The following MYO1D variants were observed in gnomAD, a reference collection of about 807,000 sequenced individuals.
MYO1D encodes myosin ID.
Under a neutral mutation model 122.0 loss-of-function variants are expected in MYO1D, and 83 were observed. The ratio of observed to expected loss-of-function variants is 0.68; its 90% confidence interval spans 0.57 to 0.82. MYO1D has a LOEUF of 0.82. Ranked by LOEUF, MYO1D falls within the 40% of genes least tolerant of loss-of-function variation. The probability of loss-of-function intolerance (pLI) is 0.00; values close to 1 mark genes in which losing one functional copy is unlikely to be tolerated. For missense variants in MYO1D, 1,157 were observed against 1,269.5 expected, an observed-to-expected ratio of 0.91 and a Z score of 1.35; for synonymous variants, 464 against 446.9, an observed-to-expected ratio of 1.04 and a Z score of -0.48.
At chr17:32,742,217 G>A (rs966470938) in intron 13 of MYO1D, among the ~76,000 whole-genome samples, 4 of 152,084 alleles carry the variant, frequency 2.6e-5, no homozygotes, top group Admixed American at 6.6e-5. Flanking sequence ...TAGGTTATAT[G>A]TAAATACTAC....
At chr17:32,642,742 T>C (rs1290225131) in intron 19 of MYO1D, among the ~76,000 whole-genome samples, 1 of 152,202 alleles carries the variant, frequency 6.6e-6, no homozygotes, top group Non-Finnish European at 1.5e-5. Context: ...TATTGGTGTA[T>C]AAGAATGCTT....
chr17:32,565,385 G>C (rs2087163354), intron 21 of MYO1D, among the ~76,000 whole-genome samples: 1 of 152,188 alleles, frequency 6.6e-6, no homozygotes, highest in African/African-American at 2.4e-5. Flanking sequence ...CCCTGGCACT[G>C]CTCACTTTTA....
chr17:32,595,102 A>C (rs886950218), intron 21 of MYO1D, among the ~76,000 whole-genome samples: 2 of 152,150 alleles, frequency 1.3e-5, no homozygotes, highest in Non-Finnish European at 2.9e-5. Context: ...TAATCCTGGA[A>C]TCAATCAAGG....
intron 1 of MYO1D, among the ~76,000 whole-genome samples, chr17:32,799,277 T>C (rs2090441846): frequency 6.6e-6 from 1 of 152,174 alleles, no homozygotes; most frequent in Non-Finnish European, 1.5e-5. Flanking sequence ...TTAAATCTCG[T>C]TTATTGCTAG....
chr17:32,552,674 C>T (rs2087028765), intron 21 of MYO1D, among the ~76,000 whole-genome samples: 1 of 152,198 alleles, frequency 6.6e-6, no homozygotes, highest in Admixed American at 6.5e-5. Flanking sequence ...TAAGAACAGT[C>T]ACTGCAGTGG....
chr17:32,638,997 T>A (rs546713360), intron 19 of MYO1D, among the ~76,000 whole-genome samples, 162 bp from the exon 20 acceptor site: 1 of 152,292 alleles, frequency 6.6e-6, no homozygotes, highest in East Asian at 1.9e-4. Context: ...CTTGTGGAAT[T>A]TGGCAATTGA....
rs186417632 is a variant in MYO1D at position 32,619,566 on chromosome 17, G to A, written c.2710-14325C>T. Among the ~76,000 whole-genome samples, 389 of 152,284 alleles carry A rather than the reference G, an allele frequency of 2.6e-3. 1 individual carries two copies. The highest frequency in any genetic ancestry group is 9.0e-3 in the African/African-American group (375 of 41,550). On this transcript the variant is annotated intron_variant, in intron 20 of 21. Coordinates refer to ENST00000318217, the MANE Select transcript of MYO1D (RefSeq NM_015194.3). ...GACTGTGATACATTTGGTCTGGTTT[G>A]TGCTGGGCATCTGCAGTTTGTAAAA...
At chr17:32,793,856 C>A (rs2090384795) in intron 1 of MYO1D, among the ~76,000 whole-genome samples, 1 of 152,220 alleles carries the variant, frequency 6.6e-6, no homozygotes. Context: ...TAGTACCTTT[C>A]CCTCAGAGGA....
At position 32,679,447 on chromosome 17, in the gene MYO1D, G is replaced by A. The variant is rs1382263692; in HGVS notation, c.2122-20109C>T. On this transcript the variant is annotated intron_variant, in intron 16 of 21. Transcript: ENST00000318217. The stretch of plus-strand genomic sequence containing the variant: ...GAACTGATTTTTGTATAAGGTGTAA[G>A]GAAGGGATCCAGTTTCAGCTTCCTA... Among the ~76,000 whole-genome samples, 4 of 152,048 alleles carry A rather than the reference G, an allele frequency of 2.6e-5. No individual in the cohort carries two copies. In the South Asian group the frequency reaches 8.3e-4, roughly 32 times the overall value.
intron 8 of MYO1D, among the ~76,000 whole-genome samples, chr17:32,764,633 G>A (rs1356789499): frequency 1.3e-5 from 2 of 152,130 alleles, no homozygotes; most frequent in African/African-American, 2.4e-5. Flanking sequence ...AGTGAGAGAA[G>A]CAGCACGTGA....
chr17:32,790,971 T>C (rs989065143), intron 1 of MYO1D, among the ~76,000 whole-genome samples: 1 of 152,180 alleles, frequency 6.6e-6, no homozygotes, highest in Non-Finnish European at 1.5e-5. Context: ...GACTATCTTG[T>C]TGAGCCAGAA....
At position 32,768,898 on chromosome 17, in the gene MYO1D, T is replaced by C. The variant is rs115691588; in HGVS notation, c.715-1146A>G. Among the ~76,000 whole-genome samples, 553 of 152,284 alleles carry C rather than the reference T, an allele frequency of 3.6e-3. 3 individuals carry two copies. Among genetic ancestry groups the C allele is most frequent in the African/African-American group, 0.012 (516 of 41,550 alleles). On this transcript the variant is annotated intron_variant, in intron 6 of 21. Coordinates refer to ENST00000318217, the MANE Select transcript of MYO1D (RefSeq NM_015194.3). The stretch of plus-strand genomic sequence containing the variant: ...AAAGTAACTGGATAAAATCTAAATG[T>C]CCTACTGTGGGGAACTGTTGGCTGC...
At chr17:32,861,274 G>C (rs922565333) in intron 1 of MYO1D, among the ~76,000 whole-genome samples, 1 of 151,892 alleles carries the variant, frequency 6.6e-6, no homozygotes, top group Non-Finnish European at 1.5e-5. Flanking sequence ...CACCATGTTA[G>C]CCAGGATGGT....
At chr17:32,567,392 G>A (rs2087183727) in intron 21 of MYO1D, among the ~76,000 whole-genome samples, 1 of 152,220 alleles carries the variant, frequency 6.6e-6, no homozygotes, top group Admixed American at 6.5e-5. Flanking sequence ...CGTCAACTAA[G>A]CACCTACATG....
chr17:32,591,471 G>A (rs55645126), intron 21 of MYO1D, among the ~76,000 whole-genome samples: 18,709 of 152,152 alleles, frequency 0.12, 1,507 homozygotes, highest in Middle Eastern at 0.23. Context: ...ACAAGTGGAT[G>A]TGGTAAACAG....
intron 20 of MYO1D, among the ~76,000 whole-genome samples, chr17:32,636,842 G>C (rs2088106761): frequency 6.6e-6 from 1 of 152,196 alleles, no homozygotes; most frequent in Non-Finnish European, 1.5e-5. Flanking sequence ...GCAGCCTGAG[G>C]GCAGCTTTTT....
intron 21 of MYO1D, among the ~76,000 whole-genome samples, chr17:32,544,192 C>T (rs942749906): frequency 1.3e-5 from 2 of 151,434 alleles, no homozygotes; most frequent in South Asian, 4.2e-4. Context: ...ACCTCCCGCA[C>T]TCAGGTGATC....
At chr17:32,730,096 G>T (rs1202188772) in intron 14 of MYO1D, among the ~76,000 whole-genome samples, 5 of 147,812 alleles carry the variant, frequency 3.4e-5, no homozygotes, top group African/African-American at 1.2e-4. Flanking sequence ...TGTTTTGGGG[G>T]CAGGGAGGAT....
chr17:32,544,797 A>T (rs925965938), intron 21 of MYO1D, among the ~76,000 whole-genome samples: 13 of 152,330 alleles, frequency 8.5e-5, no homozygotes, highest in African/African-American at 3.1e-4. Flanking sequence ...GTTCATGCAT[A>T]CACATATACA....
Sources: gnomAD v4.1 joint callset for allele counts (sites outside exome capture counted in the v4.1 genomes callset) on GRCh38, gnomAD v4.1.1 for gene constraint, MANE v1.5 for transcripts, NCBI Gene and HGNC (gene_info 2026-07-23, HGNC 2026-07-21) for gene names.